Variants in SCARA5 observed in about 807,000 individuals in gnomAD.
The protein encoded by SCARA5 is scavenger receptor class A, member 5 (putative).
In SCARA5, 45 loss-of-function variants were observed where a neutral mutation model predicts 46.3. The observed-to-expected ratio is 0.97, with a 90% CI of 0.76 to 1.24. The LOEUF (loss-of-function observed/expected upper bound fraction) is 1.24, where lower values mean the gene tolerates loss of function less well. Among genes scored for constraint, SCARA5 ranks in the 50% most tolerant of loss-of-function variants. SCARA5 has a pLI of 0.00. For synonymous variants in SCARA5, 333 were observed against 306.5 expected (o/e 1.09, Z -0.90); for missense variants, 680 against 689.0 (o/e 0.99, Z 0.15).
chr8:27,972,996 C>G (rs989060854), intron 2 of SCARA5, among the ~76,000 whole-genome samples: 1 of 152,182 alleles, frequency 6.6e-6, no homozygotes, highest in Non-Finnish European at 1.5e-5. Context: ...TCTGGCGACC[C>G]CACTAGTCTC....
intron 4 of SCARA5, among the ~76,000 whole-genome samples, chr8:27,918,592 AGAG>A (rs1284110474): frequency 6.7e-6 from 1 of 149,256 alleles, no homozygotes; most frequent in African/African-American, 2.5e-5. Flanking sequence ...AGAAGGAAGA[AGAG>A]GAGGAGAAGG....
intron 3 of SCARA5, among the ~76,000 whole-genome samples, chr8:27,942,779 C>T (rs1272644997): frequency 1.3e-5 from 2 of 152,126 alleles, no homozygotes; most frequent in Admixed American, 6.5e-5. Context: ...CCCTTTGCTG[C>T]TATCTCAAAG....
At chr8:27,984,504 T>TCTATCCATTCATTCATC (rs1808670271) in intron 2 of SCARA5, among the ~76,000 whole-genome samples, 2 of 142,174 alleles carry the variant, frequency 1.4e-5, no homozygotes, top group African/African-American at 5.4e-5. Context: ...ATTTATTCAT[T>TCTATCCATTCATTCATC]CATCTATCCA....
chr8:27,889,304 TG>T (rs1267005491), intron 7 of SCARA5, among the ~76,000 whole-genome samples: 1 of 152,192 alleles, frequency 6.6e-6, no homozygotes, highest in Non-Finnish European at 1.5e-5. Context: ...ACTTAGTGCT[TG>T]GAGTGATTTT....
intron 3 of SCARA5, among the ~76,000 whole-genome samples, chr8:27,944,954 C>CTCAAGGCAAGT (rs1450791140): frequency 6.6e-6 from 1 of 151,992 alleles, no homozygotes; most frequent in East Asian, 1.9e-4. Context: ...TGACTTGAAC[C>CTCAAGGCAAGT]CAGGAGCTCA....
chr8:27,881,311 C>A lies in SCARA5; in HGVS notation c.1154-1545G>T, dbSNP rs36059108. 3.6e-3 allele frequency among the ~76,000 whole-genome samples: 542 copies of A among 152,160 alleles called. 2 individuals are homozygous for A. The highest frequency in any genetic ancestry group is 6.4e-3 in the Non-Finnish European group (436 of 68,024). On this transcript the variant is annotated intron_variant, in intron 7 of 8. Transcript: ENST00000354914. ...AATCAACCTACGTGCCTATCAGCAG[C>A]GGATTGAATAAAGAAAATGTGGTAC...
intron 7 of SCARA5, among the ~76,000 whole-genome samples, chr8:27,881,179 A>T (rs1806805987): frequency 1.3e-5 from 2 of 152,256 alleles, no homozygotes; most frequent in South Asian, 4.1e-4. Flanking sequence ...TTGACACAGC[A>T]ATCCCATTGC....
At chr8:27,964,541 C>G (rs998144063) in intron 3 of SCARA5, among the ~76,000 whole-genome samples, 3 of 152,178 alleles carry the variant, frequency 2.0e-5, no homozygotes, top group African/African-American at 7.2e-5. Context: ...CAGGAGAAAG[C>G]CTTTTTTTCA....
chr8:27,913,022 A>G lies in SCARA5; in HGVS notation c.917-3279T>C, dbSNP rs372934181. On this transcript the variant is annotated intron_variant, in intron 4 of 8. Transcript: ENST00000354914. ...GGCCATCCCGATCACCTCACTCTGC[A>G]TAACGCCTCCTCACTTTGCATAACA... is the stretch of plus-strand genomic sequence containing the variant. Among the ~76,000 whole-genome samples the G allele has an allele frequency of 1.1e-4, 17 of 151,756 alleles. No individual in the cohort carries two copies. In the South Asian group the frequency reaches 3.3e-3, roughly 30 times the overall value.
chr8:27,892,882 A>C (rs1309048212), intron 7 of SCARA5, among the ~76,000 whole-genome samples: 3 of 152,180 alleles, frequency 2.0e-5, no homozygotes, highest in Admixed American at 2.0e-4. Flanking sequence ...CTGGGATTAC[A>C]GGCGTGAGCC....
chr8:27,976,633 A>G (rs1808527848), intron 2 of SCARA5, among the ~76,000 whole-genome samples: 1 of 152,128 alleles, frequency 6.6e-6, no homozygotes, highest in Admixed American at 6.5e-5. Context: ...CACTCTCCCA[A>G]TTCCTACCAC....
intron 3 of SCARA5, among the ~76,000 whole-genome samples, chr8:27,936,110 G>C (rs1807852645): frequency 6.6e-6 from 1 of 152,136 alleles, no homozygotes. Context: ...TGGAGCGGCA[G>C]GAGACCCCTT....
intron 3 of SCARA5, among the ~76,000 whole-genome samples, chr8:27,952,054 G>GGT (rs1808136200): frequency 2.2e-4 from 1 of 4,588 alleles, no homozygotes; most frequent in African/African-American, 3.9e-4. Flanking sequence ...ATTGGGTTGG[G>GGT]GACCAATATG....
chr8:27,888,652 C>A (rs1806934987), intron 7 of SCARA5, among the ~76,000 whole-genome samples: 1 of 152,228 alleles, frequency 6.6e-6, no homozygotes, highest in Non-Finnish European at 1.5e-5. Context: ...TCCCACTGCA[C>A]AACTTCAGTA....
chr8:27,920,992 A>G (rs1184664443), intron 4 of SCARA5, among the ~76,000 whole-genome samples: 1 of 146,362 alleles, frequency 6.8e-6, no homozygotes, highest in Non-Finnish European at 1.5e-5. Context: ...ACAGAAAACA[A>G]AAAAACAAAA....
intron 3 of SCARA5, among the ~76,000 whole-genome samples, chr8:27,939,922 C>A (rs1167599315): frequency 1.3e-5 from 2 of 152,294 alleles, no homozygotes; most frequent in Middle Eastern, 3.4e-3. Flanking sequence ...GTCCCTCTTG[C>A]CCTAGCAAGA....
rs189261994 is a variant in SCARA5 at position 27,949,180 on chromosome 8, G to A, written c.241+17234C>T. ...GATCACACATGAGCAGAGCCCACGT[G>A]GCTCAGAGCTTGGCTTTCCAGCTAA... On this transcript the variant is annotated intron_variant, in intron 3 of 8. Coordinates refer to ENST00000354914, the MANE Select transcript of SCARA5 (RefSeq NM_173833.6). 2.6e-3 allele frequency among the ~76,000 whole-genome samples: 403 copies of A among 152,324 alleles called. 2 individuals carry two copies. The highest frequency in any genetic ancestry group is 9.4e-3 in the African/African-American group (389 of 41,570).
intron 3 of SCARA5, among the ~76,000 whole-genome samples, chr8:27,964,627 C>G (rs1206875852): frequency 6.6e-6 from 1 of 152,120 alleles, no homozygotes; most frequent in African/African-American, 2.4e-5. Flanking sequence ...TAACATCCAC[C>G]TGTTGGTCCT....
chr8:27,897,471 C>T (rs144905532), intron 7 of SCARA5, among the ~76,000 whole-genome samples: 11 of 152,386 alleles, frequency 7.2e-5, no homozygotes, highest in East Asian at 1.9e-4. Flanking sequence ...AAGATCCCAG[C>T]GTCATTTCTT....
Sources: allele counts gnomAD v4.1 joint callset (sites outside exome capture counted in the v4.1 genomes callset), GRCh38; gene constraint gnomAD v4.1.1; transcripts MANE v1.5; gene names NCBI Gene and HGNC (gene_info 2026-07-23, HGNC 2026-07-21).